The following CDH13 variants were observed in gnomAD, a reference collection of about 807,000 sequenced individuals.
The protein encoded by CDH13 is cadherin 13.
In CDH13, 24 loss-of-function variants were observed where a neutral mutation model predicts 63.8. That is an observed-to-expected ratio of 0.38 (90% CI 0.27 to 0.53). The LOEUF (loss-of-function observed/expected upper bound fraction) is 0.53, where lower values mean the gene tolerates loss of function less well. CDH13 is among the 20% of genes least tolerant of loss of function. The pLI is 0.85. For synonymous variants in CDH13, 503 were observed against 355.3 expected (o/e 1.42, Z -4.67); for missense variants, 1,049 against 903.1 (o/e 1.16, Z -2.07).
intron 1 of CDH13, among the ~76,000 whole-genome samples, chr16:82,723,862 C>G (rs965135623): frequency 6.6e-6 from 1 of 152,192 alleles, no homozygotes; most frequent in African/African-American, 2.4e-5. Context: ...AGGTGCTGCT[C>G]TGGCCTTGAT....
chr16:83,405,362 G>A (rs1302717461), intron 6 of CDH13, among the ~76,000 whole-genome samples: 1 of 152,142 alleles, frequency 6.6e-6, no homozygotes, highest in Non-Finnish European at 1.5e-5. Context: ...TAAGGATCTT[G>A]ATTTAAAGAA....
At position 83,125,385 on chromosome 16, in the gene CDH13, G is replaced by T; in HGVS notation, c.367G>T (p.Asp123Tyr). 6.7e-7 allele frequency: 1 copy of T among 1,491,280 alleles called. No individual in the cohort carries two copies. The highest frequency in any genetic ancestry group is 9.4e-7 in the Non-Finnish European group (1 of 1,068,798). 92.4% of individuals were successfully genotyped at this position (1,491,280 alleles called of 1,614,324 possible). A position where few individuals can be genotyped will look rare whatever the true frequency, so the allele number is the denominator to read the frequency against. Residue 123 changes from aspartate (D) to tyrosine (Y), a missense_variant and splice_region_variant, in exon 4 of 14, where the codon GAT becomes TAT. Coordinates refer to ENST00000567109, the MANE Select transcript of CDH13 (RefSeq NM_001257.5). ...TCAATCCTTTTGTTTTCCCTTTTAGGATATATTTAAATTTGCAAGAACTTC... is the reference window on the plus strand; with the variant it reads ...TCAATCCTTTTGTTTTCCCTTTTAGTATATATTTAAATTTGCAAGAACTTC... ...GGKDIQGSLQ[D>Y]IFKFARTSPV...
At chr16:82,904,518 G>A (rs908675116) in intron 2 of CDH13, among the ~76,000 whole-genome samples, 11 of 152,260 alleles carry the variant, frequency 7.2e-5, no homozygotes, top group Admixed American at 1.3e-4. Flanking sequence ...AGGTTGGGGC[G>A]AAAGTAATTT....
chr16:83,518,712 C>G (rs1567731347), intron 7 of CDH13, among the ~76,000 whole-genome samples: 2 of 151,890 alleles, frequency 1.3e-5, no homozygotes, highest in African/African-American at 2.4e-5. Context: ...ACCTCGTGAT[C>G]TGCCCGCCTC....
Position 83,477,497 on chromosome 16 carries a change from A to G in CDH13, c.782-8980A>G, listed in dbSNP as rs537109258. ...TGTTCCTATGGGATGGCACTTCCTC[A>G]CCTCAAACCTGTATCAGGAGTATAT... On this transcript the variant is annotated intron_variant, in intron 6 of 13. Coordinates refer to ENST00000567109, the MANE Select transcript of CDH13 (RefSeq NM_001257.5). 4.6e-5 allele frequency among the ~76,000 whole-genome samples: 7 copies of G among 152,206 alleles called. No homozygotes were observed. In the South Asian group the frequency reaches 1.5e-3, roughly 32 times the overall value.
intron 10 of CDH13, among the ~76,000 whole-genome samples, chr16:83,695,733 A>G (rs16961337): frequency 0.012 from 1,795 of 152,346 alleles, 39 homozygotes; most frequent in African/African-American, 0.042. Context: ...GTAACTAAAT[A>G]GAAAGTCTAG....
intron 9 of CDH13, 88 bp from the exon 10 acceptor site, chr16:83,678,120 T>G: frequency 7.1e-7 from 1 of 1,417,730 alleles, no homozygotes; most frequent in Non-Finnish European, 9.7e-7. Context: ...GGCCCACTGT[T>G]GCTCGTGGAA....
intron 1 of CDH13, 54 bp from the exon 2 acceptor site, chr16:82,858,308 G>A: frequency 8.3e-7 from 1 of 1,210,032 alleles, no homozygotes; most frequent in Non-Finnish European, 1.2e-6. Context: ...GCGAAAGTTA[G>A]CAGGGCAAAC....
chr16:82,648,009 T>G (rs933854130), intron 1 of CDH13, among the ~76,000 whole-genome samples: 3 of 152,166 alleles, frequency 2.0e-5, no homozygotes, highest in African/African-American at 7.2e-5. Flanking sequence ...TAAGGGGCAG[T>G]TCCCCTGCAC....
chr16:83,135,896 T>C (rs568310754), intron 4 of CDH13, among the ~76,000 whole-genome samples: 53 of 152,278 alleles, frequency 3.5e-4, no homozygotes, highest in African/African-American at 1.3e-3. Flanking sequence ...TTGGAGACTA[T>C]TATTCTAAGT....
At chr16:83,321,955 A>G (rs1209371791) in intron 5 of CDH13, among the ~76,000 whole-genome samples, 1 of 152,104 alleles carries the variant, frequency 6.6e-6, no homozygotes, top group Non-Finnish European at 1.5e-5. Flanking sequence ...GGTAGGTGGG[A>G]GCCTGGTTCA....
intron 10 of CDH13, among the ~76,000 whole-genome samples, chr16:83,691,719 C>T (rs1188506800): frequency 6.6e-6 from 1 of 152,094 alleles, no homozygotes; most frequent in Non-Finnish European, 1.5e-5. Flanking sequence ...ACATTGTCCC[C>T]AGGAGTCGAA....
chr16:83,622,167 C>T (rs936913477), intron 8 of CDH13, among the ~76,000 whole-genome samples: 7 of 152,280 alleles, frequency 4.6e-5, no homozygotes, highest in African/African-American at 1.4e-4. Context: ...CACAACAGCC[C>T]TATGACGTAG....
rs75052713 is a variant in CDH13 at position 82,677,659 on chromosome 16, C to G, written c.45+50522C>G. Among the ~76,000 whole-genome samples the G allele has an allele frequency of 8.7e-3, 1,331 of 152,198 alleles. 14 individuals are homozygous for G. The highest frequency in any genetic ancestry group is 0.031 in the African/African-American group (1,269 of 41,516). The stretch of plus-strand genomic sequence containing the variant: ...AGAGGCAGGACTCTGACCCGGGTCT[C>G]CAGACTCACAAAACACAATACACTA... On this transcript the variant is annotated intron_variant, in intron 1 of 13. Transcript: ENST00000567109.
At chr16:82,795,829 G>A (rs1025986049) in intron 1 of CDH13, among the ~76,000 whole-genome samples, 16 of 152,102 alleles carry the variant, frequency 1.1e-4, no homozygotes, top group Non-Finnish European at 1.8e-4. Flanking sequence ...GCCAGGCTCA[G>A]TCTGGAAAAG....
chr16:82,643,598 G>C (rs1909691803), intron 1 of CDH13, among the ~76,000 whole-genome samples: 1 of 152,208 alleles, frequency 6.6e-6, no homozygotes, highest in Non-Finnish European at 1.5e-5. Context: ...AATAAAGCAA[G>C]GGTTCTTCAC....
At chr16:82,687,170 A>G (rs527289713) in intron 1 of CDH13, among the ~76,000 whole-genome samples, 1 of 152,278 alleles carries the variant, frequency 6.6e-6, no homozygotes, top group African/African-American at 2.4e-5. Flanking sequence ...CTCTCATGGT[A>G]GCTTTGAAGC....
intron 6 of CDH13, among the ~76,000 whole-genome samples, chr16:83,375,549 G>A (rs1040371821): frequency 6.6e-6 from 1 of 152,212 alleles, no homozygotes; most frequent in South Asian, 2.1e-4. Context: ...GGAGCTGAGG[G>A]TGGCATGGTA....
At chr16:83,177,337 A>C (rs529639743) in intron 4 of CDH13, among the ~76,000 whole-genome samples, 1 of 152,116 alleles carries the variant, frequency 6.6e-6, no homozygotes, top group Non-Finnish European at 1.5e-5. Flanking sequence ...CTAATCACCA[A>C]ATCTCCAATG....
Sources: gnomAD v4.1 joint callset for allele counts (sites outside exome capture counted in the v4.1 genomes callset) on GRCh38, gnomAD v4.1.1 for gene constraint, MANE v1.5 for transcripts, NCBI Gene and HGNC (gene_info 2026-07-23, HGNC 2026-07-21) for gene names.